Variants in HNRNPH1 observed in about 807,000 individuals in gnomAD.
HNRNPH1 encodes heterogeneous nuclear ribonucleoprotein H1.
A neutral mutation model predicts 58.6 loss-of-function variants in HNRNPH1; 4 were observed. That is an observed-to-expected ratio of 0.07 (90% confidence interval 0.03 to 0.16). The LOEUF (loss-of-function observed/expected upper bound fraction) is 0.16. HNRNPH1 is among the 10% of genes least tolerant of loss of function. The pLI, the probability that HNRNPH1 is intolerant of heterozygous loss-of-function variation, is 1.00. For synonymous variants in HNRNPH1, 192 were observed against 189.2 expected (o/e 1.01, Z -0.12); for missense variants, 271 against 564.2 (o/e 0.48, Z 5.26).
At chr5:179,615,124 T>C in intron 12 of HNRNPH1, 165 bp from the exon 14 acceptor site, 1 of 598,398 alleles carries the variant, frequency 1.7e-6, no homozygotes, top group Admixed American at 2.6e-5. Context: ...CAAACAAGCC[T>C]CAATTAACCC....
chr5:179,618,266 T>G (rs1770727898), exon 5 of HNRNPH1: 1 of 1,613,988 alleles, frequency 6.2e-7, no homozygotes, highest in Non-Finnish European at 8.5e-7. Context: ...TAAGCTTTCG[T>G]GGTGGATCAT....
exon 1 of HNRNPH1, chr5:179,623,283 C>T (rs929300026): frequency 4.0e-6 from 2 of 497,654 alleles, no homozygotes; most frequent in African/African-American, 4.0e-5. Flanking sequence ...GCACCCACCC[C>T]GGCGACTCCA....
intron 1 of HNRNPH1, among the ~76,000 whole-genome samples, chr5:179,622,419 A>C (rs892535932): frequency 6.6e-6 from 1 of 152,220 alleles, no homozygotes; most frequent in Non-Finnish European, 1.5e-5. Flanking sequence ...CTTTCGAAAA[A>C]AGACACCCGG....
At chr5:179,623,251 A>C in exon 1 of HNRNPH1, 2 of 616,338 alleles carry the variant, frequency 3.2e-6, no homozygotes, top group Non-Finnish European at 5.5e-6. Context: ...CCGCCCCCCC[A>C]CGGAGCAAAA....
exon 1 of HNRNPH1, chr5:179,624,446 C>T (rs377481952): frequency 2.1e-4 from 85 of 398,266 alleles, no homozygotes; most frequent in Middle Eastern, 1.9e-3. Flanking sequence ...GTCGGCAGGC[C>T]TTGACTGCCC....
exon 13 of HNRNPH1, chr5:179,614,788 A>AG: frequency 2.1e-6 from 1 of 481,636 alleles, no homozygotes; most frequent in Non-Finnish European, 3.2e-6. Flanking sequence ...CTTAAAGAAA[A>AG]AAAAAAAAAA....
chr5:179,614,255 A>G (rs1036265771), exon 13 of HNRNPH1: 1 of 152,564 alleles, frequency 6.6e-6, no homozygotes, highest in East Asian at 1.9e-4. Context: ...CAATACAATG[A>G]AAGATTTAAA....
exon 13 of HNRNPH1, chr5:179,614,196 GATTT>G (rs1211615775): frequency 6.6e-6 from 1 of 152,282 alleles, no homozygotes; most frequent in Non-Finnish European, 1.5e-5. Context: ...TTAAAAGGAG[GATTT>G]ATTTGACAAG....
upstream of HNRNPH1, among the ~76,000 whole-genome samples, chr5:179,626,216 G>A (rs568538172): frequency 5.9e-5 from 9 of 152,032 alleles, no homozygotes; most frequent in African/African-American, 2.2e-4. Context: ...CAATTCTCAT[G>A]CCTTAGCCTC....
chr5:179,615,986 C>A, intron 11 of HNRNPH1, 140 bp downstream of exon 12: 1 of 688,412 alleles, frequency 1.5e-6, no homozygotes, highest in Non-Finnish European at 2.6e-6. Flanking sequence ...CCGAAAGGAG[C>A]CTGCATCTTC....
intron 3 of HNRNPH1, among the ~76,000 whole-genome samples, chr5:179,620,341 A>G (rs1333442776): frequency 6.6e-6 from 1 of 152,238 alleles, no homozygotes; most frequent in Non-Finnish European, 1.5e-5. Context: ...CAAAACACTT[A>G]TTTCAGATAC....
chr5:179,617,293 A>G, intron 8 of HNRNPH1, 183 bp from the exon 10 acceptor site: 1 of 726,634 alleles, frequency 1.4e-6, no homozygotes, highest in Non-Finnish European at 2.3e-6. Context: ...ATTCATCTGT[A>G]TTGTCAATTA....
intron 2 of HNRNPH1, among the ~76,000 whole-genome samples, chr5:179,631,624 G>C (rs1001603924): frequency 6.6e-6 from 1 of 152,128 alleles, no homozygotes; most frequent in Admixed American, 6.6e-5. Context: ...GCGTAGGCCT[G>C]TAATCCCAGC....
rs1424394570 is a variant in HNRNPH1, at chr5:179,615,260, TA to T, written c.*285del. The stretch of plus-strand genomic sequence containing the variant: ...TTTCAAAAATTGCAAAATTACTTCG[TA>T]TTTTTAAAGCTAAACAAGGCATTTT... On this transcript the variant is annotated intron_variant, in intron 12 of 12. Transcript: ENST00000356731. 17 of 437,404 alleles carry T rather than the reference TA, an allele frequency of 3.9e-5. No homozygotes were observed. In the East Asian group the frequency reaches 5.6e-4, roughly 14 times the overall value. 27.1% of individuals were successfully genotyped at this position (437,404 alleles called of 1,614,324 possible).
rs1404862747 is a variant in HNRNPH1, at chr5:179,615,666, T to TA, written c.1301-72dup. On this transcript the variant is annotated intron_variant, in intron 11 of 12. Coordinates refer to ENST00000356731, the Ensembl canonical transcript of HNRNPH1. ...ATTCTTTAGACCAATTGAAAAAAAA[T>TA]AAATAAAACCAATCCTAGGTTAACT... 1.5e-5 allele frequency: 12 copies of TA among 780,670 alleles called. No homozygotes were observed. In the Admixed American group the frequency reaches 2.4e-4, roughly 15 times the overall value. The allele number at this position is 780,670 out of a possible 1,614,324, so 48.4% of individuals were successfully genotyped here. A position where few individuals can be genotyped will look rare whatever the true frequency, so the allele number is the denominator to read the frequency against.
intron 1 of HNRNPH1, among the ~76,000 whole-genome samples, chr5:179,622,374 G>T (rs1265253369): frequency 6.6e-6 from 1 of 152,202 alleles, no homozygotes; most frequent in Non-Finnish European, 1.5e-5. Context: ...ATTTTCTCAA[G>T]ATTGAGGAGG....
At chr5:179,614,324 G>A (rs978403484) in exon 13 of HNRNPH1, 8 of 149,066 alleles carry the variant, frequency 5.4e-5, no homozygotes, top group African/African-American at 9.9e-5. Context: ...TTGGTATTGC[G>A]TCTCAAATTT....
intron 12 of HNRNPH1, 114 bp downstream of exon 13, chr5:179,615,432 C>T (rs1383260378): frequency 1.7e-6 from 1 of 574,478 alleles, no homozygotes; most frequent in Non-Finnish European, 3.1e-6. Context: ...CTCACTGTGC[C>T]CAAATGGCAG....
rs1303153227 is a variant in HNRNPH1, at chr5:179,614,803, A to G, written c.*157T>C. 7.1e-6 allele frequency: 7 copies of G among 981,270 alleles called. No homozygotes were observed. The South Asian group carries it at 7.9e-5, about 11-fold the overall frequency. The allele number at this position is 981,270 out of a possible 1,614,324, so 60.8% of individuals were successfully genotyped here. ...CTTAAAGAAAAAAAAAAAAAAAAAA[A>G]AAAGGTTGACCAAGAGTCAGTGATC... On this transcript the variant is annotated 3_prime_UTR_variant, in exon 13 of 13. Transcript: ENST00000356731.
Sources: allele counts gnomAD v4.1 joint callset (sites outside exome capture counted in the v4.1 genomes callset), GRCh38; gene constraint gnomAD v4.1.1; transcripts MANE v1.5; gene names NCBI Gene and HGNC (gene_info 2026-07-23, HGNC 2026-07-21).